Variants in PGBD5 observed in about 807,000 individuals in gnomAD.
The protein encoded by PGBD5 is piggyBac transposable element derived 5.
PGBD5 carries 14 observed loss-of-function variants against 47.9 expected under a neutral mutation model. That is an observed-to-expected ratio of 0.29 (90% CI 0.19 to 0.46). PGBD5 has a LOEUF of 0.46. PGBD5 is among the 20% of genes least tolerant of loss of function. The pLI, the probability that PGBD5 is intolerant of heterozygous loss-of-function variation, is 1.00. For synonymous variants in PGBD5, 316 were observed against 306.3 expected (o/e 1.03, Z -0.33); for missense variants, 635 against 716.0 (o/e 0.89, Z 1.29).
chr1:230,409,796 G>A (rs1657375882), intron 1 of PGBD5, among the ~76,000 whole-genome samples: 1 of 151,190 alleles, frequency 6.6e-6, no homozygotes, highest in African/African-American at 2.4e-5. Context: ...TAATAAAGCT[G>A]TTACTAAAAA....
intron 1 of PGBD5, among the ~76,000 whole-genome samples, chr1:230,364,348 C>T (rs947199203): frequency 6.6e-6 from 1 of 152,212 alleles, no homozygotes; most frequent in African/African-American, 2.4e-5. Flanking sequence ...TACATGCCTA[C>T]CAATATTCCA....
At chr1:230,391,156 G>C (rs904214866) in intron 1 of PGBD5, among the ~76,000 whole-genome samples, 2 of 138,986 alleles carry the variant, frequency 1.4e-5, no homozygotes, top group Non-Finnish European at 3.1e-5. Context: ...CCTGAGTGTG[G>C]GGGGTGGGGC....
At chr1:230,356,800 C>A in intron 2 of PGBD5, 94 bp downstream of exon 2, 28 of 1,365,136 alleles carry the variant, frequency 2.1e-5, no homozygotes, top group Non-Finnish European at 2.8e-5. Context: ...GCAGGCAGGG[C>A]AGGAAGGACA....
chr1:230,391,985 T>A (rs750630183), intron 1 of PGBD5, among the ~76,000 whole-genome samples: 21 of 152,198 alleles, frequency 1.4e-4, no homozygotes, highest in South Asian at 2.1e-4. Context: ...CTCATTTTAA[T>A]GATGCGGTTA....
At chr1:230,392,282 G>A (rs937240238) in intron 1 of PGBD5, among the ~76,000 whole-genome samples, 4 of 152,162 alleles carry the variant, frequency 2.6e-5, no homozygotes, top group African/African-American at 9.7e-5. Context: ...CGGCCCTGGA[G>A]GGGCATCCCT....
intron 1 of PGBD5, among the ~76,000 whole-genome samples, chr1:230,384,574 C>A (rs1057207396): frequency 6.6e-6 from 1 of 152,016 alleles, no homozygotes; most frequent in Non-Finnish European, 1.5e-5. Flanking sequence ...CAGTTCCCTG[C>A]GGGAGCAGGG....
At chr1:230,384,619 A>G (rs1462848412) in intron 1 of PGBD5, among the ~76,000 whole-genome samples, 1 of 152,180 alleles carries the variant, frequency 6.6e-6, no homozygotes, top group Non-Finnish European at 1.5e-5. Context: ...TTACAAATAA[A>G]CAAAACGTAA....
At position 230,370,441 on chromosome 1, in the gene PGBD5, T is replaced by C. The variant is rs185180454; in HGVS notation, c.332-13120A>G. Reference sequence around the variant, plus strand: ...TTTATCAATAAATAGAAGCAAATCATGTGTATTTATTTTGTAGAACCAACA... The same window carrying C: ...TTTATCAATAAATAGAAGCAAATCACGTGTATTTATTTTGTAGAACCAACA... On this transcript the variant is annotated intron_variant, in intron 1 of 6. Coordinates refer to ENST00000391860, the MANE Select transcript of PGBD5 (RefSeq NM_001258311.2). 2.6e-5 allele frequency among the ~76,000 whole-genome samples: 4 copies of C among 152,186 alleles called. No homozygotes were observed. In the East Asian group the frequency reaches 7.7e-4, roughly 29 times the overall value.
At chr1:230,332,792 G>A in intron 5 of PGBD5, 52 bp downstream of exon 5, 4 of 1,605,370 alleles carry the variant, frequency 2.5e-6, no homozygotes, top group Non-Finnish European at 8.5e-7. Context: ...GCTCGGCCAA[G>A]CTCAACCAAT....
intron 1 of PGBD5, among the ~76,000 whole-genome samples, chr1:230,423,284 C>T (rs2102757824): frequency 6.6e-6 from 1 of 152,258 alleles, no homozygotes; most frequent in East Asian, 1.9e-4. Flanking sequence ...AAAATGCCAC[C>T]TGCTTACTTT....
intron 1 of PGBD5, among the ~76,000 whole-genome samples, chr1:230,403,047 G>A (rs1319234329): frequency 2.0e-5 from 3 of 152,164 alleles, no homozygotes; most frequent in Non-Finnish European, 2.9e-5. Context: ...TTGTGAGGTC[G>A]TTAGAGTCCT....
At chr1:230,363,489 G>A (rs903476674) in intron 1 of PGBD5, among the ~76,000 whole-genome samples, 1 of 152,140 alleles carries the variant, frequency 6.6e-6, no homozygotes. Flanking sequence ...GGCCAAGGGA[G>A]GAGAGGTGCT....
rs188953609 is a variant in PGBD5 at position 230,418,635 on chromosome 1, C to T, written c.331+6963G>A. Among the ~76,000 whole-genome samples the T allele has an allele frequency of 4.6e-5, 7 of 152,320 alleles. No individual in the cohort carries two copies. The East Asian group carries it at 1.3e-3, about 29-fold the overall frequency. On this transcript the variant is annotated intron_variant, in intron 1 of 6. Coordinates refer to ENST00000391860, the MANE Select transcript of PGBD5 (RefSeq NM_001258311.2). ...GTGTAGCTGGGACTACAGGCATTCA[C>T]CACCACGCTTGGCTAATTTTTTAGA... is the stretch of plus-strand genomic sequence containing the variant.
At chr1:230,407,111 A>C (rs1252301155) in intron 1 of PGBD5, among the ~76,000 whole-genome samples, 1 of 152,222 alleles carries the variant, frequency 6.6e-6, no homozygotes, top group Admixed American at 6.5e-5. Flanking sequence ...CTGGGATTAC[A>C]GGCGTGAACC....
At chr1:230,404,623 A>ATATAT (rs1553290456) in intron 1 of PGBD5, among the ~76,000 whole-genome samples, 3 of 130,868 alleles carry the variant, frequency 2.3e-5, no homozygotes, top group Admixed American at 9.2e-5. Flanking sequence ...AAAAAAAAAA[A>ATATAT]AAAAAAATAT....
At chr1:230,324,525 C>T (rs1667086074) in intron 6 of PGBD5, among the ~76,000 whole-genome samples, 2 of 152,162 alleles carry the variant, frequency 1.3e-5, no homozygotes, top group South Asian at 4.1e-4. Flanking sequence ...CCAGAGAGAA[C>T]CAGGTCCTTG....
intron 5 of PGBD5, among the ~76,000 whole-genome samples, chr1:230,326,617 C>T (rs1412978850): frequency 6.6e-6 from 1 of 152,018 alleles, no homozygotes; most frequent in Non-Finnish European, 1.5e-5. Flanking sequence ...TGCCACCATG[C>T]CCAGCTAATT....
At chr1:230,374,881 C>A (rs984565473) in intron 1 of PGBD5, among the ~76,000 whole-genome samples, 1 of 152,214 alleles carries the variant, frequency 6.6e-6, no homozygotes, top group Non-Finnish European at 1.5e-5. Context: ...CTTAAATAAG[C>A]TTCTTATTCC....
intron 1 of PGBD5, among the ~76,000 whole-genome samples, chr1:230,414,755 T>A (rs181067331): frequency 6.6e-6 from 1 of 152,326 alleles, no homozygotes; most frequent in Non-Finnish European, 1.5e-5. Context: ...GACATTTGTA[T>A]TCACCTTCGA....
Sources: gnomAD v4.1 joint callset for allele counts (sites outside exome capture counted in the v4.1 genomes callset) on GRCh38, gnomAD v4.1.1 for gene constraint, MANE v1.5 for transcripts, NCBI Gene and HGNC (gene_info 2026-07-23, HGNC 2026-07-21) for gene names.